Variants in PDE2A observed in about 807,000 individuals in gnomAD.
PDE2A encodes the protein phosphodiesterase 2A, also known as cGMP-dependent 3',5'-cyclic phosphodiesterase.
In PDE2A, 53 loss-of-function variants were observed where a neutral mutation model predicts 133.6. That is an observed-to-expected ratio of 0.40 (90% CI 0.32 to 0.50). PDE2A has a LOEUF of 0.50. Among genes scored for constraint, PDE2A ranks in the 20% least tolerant of loss-of-function variants. The probability of loss-of-function intolerance (pLI) is 0.73; values close to 1 mark genes in which losing one functional copy is unlikely to be tolerated. For missense variants in PDE2A, 796 were observed against 1,232.4 expected, an observed-to-expected ratio of 0.65 and a Z score of 5.30; for synonymous variants, 491 against 490.2, an observed-to-expected ratio of 1.00 and a Z score of -0.02.
chr11:72,597,304 C>T lies in PDE2A; in HGVS notation c.433+206G>A, dbSNP rs116681113. Among the ~76,000 whole-genome samples, 779 of 152,222 alleles carry T rather than the reference C, an allele frequency of 5.1e-3. 4 individuals are homozygous for T. Among genetic ancestry groups the T allele is most frequent in the African/African-American group, 0.018 (743 of 41,518 alleles). Reference sequence around the variant, plus strand: ...ACCCCCTCAAGGTAAATACTATTGTCCCATTTTATAGTCAGGAAGTTGAGG... The same window carrying T: ...ACCCCCTCAAGGTAAATACTATTGTTCCATTTTATAGTCAGGAAGTTGAGG... On this transcript the variant is annotated intron_variant, in intron 5 of 30. Transcript: ENST00000334456. The surrounding 1 kb of genome is among the most constrained non-coding windows in gnomAD (Gnocchi z 4.6).
chr11:72,626,712 C>A (rs1000771519), intron 2 of PDE2A, among the ~76,000 whole-genome samples: 12 of 152,224 alleles, frequency 7.9e-5, no homozygotes, highest in African/African-American at 2.7e-4. Flanking sequence ...TGGCAATACC[C>A]CCTCCAACCT....
At chr11:72,613,093 G>A (rs1023562574) in intron 2 of PDE2A, among the ~76,000 whole-genome samples, 24 of 152,118 alleles carry the variant, frequency 1.6e-4, no homozygotes, top group African/African-American at 3.9e-4. Flanking sequence ...GGTTGGGGTC[G>A]CTGCCATAAG....
At chr11:72,622,493 T>C (rs1039819730) in intron 2 of PDE2A, among the ~76,000 whole-genome samples, 1 of 152,230 alleles carries the variant, frequency 6.6e-6, no homozygotes, top group Non-Finnish European at 1.5e-5. Context: ...GTCCATACAC[T>C]GGAATATTAT....
At position 72,664,536 on chromosome 11, in the gene PDE2A, G is replaced by C. The variant is rs1004981408; in HGVS notation, c.71+9601C>G. ...CTACAGGCGCCCCCCACCACGCCCG[G>C]TTAATTTTTTGTATTTTTAGTAGAG... On this transcript the variant is annotated intron_variant, in intron 1 of 30. Coordinates refer to ENST00000334456, the MANE Select transcript of PDE2A (RefSeq NM_002599.5). Among the ~76,000 whole-genome samples, 6 of 150,956 alleles carry C rather than the reference G, an allele frequency of 4.0e-5. No homozygotes were observed. In the South Asian group the frequency reaches 1.3e-3, roughly 32 times the overall value.
intron 2 of PDE2A, among the ~76,000 whole-genome samples, chr11:72,610,601 C>T (rs994325781): frequency 6.6e-6 from 1 of 152,142 alleles, no homozygotes; most frequent in Admixed American, 6.5e-5. Context: ...CTTCCTTGGT[C>T]CCTCCCACTG....
intron 1 of PDE2A, among the ~76,000 whole-genome samples, chr11:72,655,110 C>T (rs983383066): frequency 4.6e-5 from 7 of 152,164 alleles, no homozygotes; most frequent in African/African-American, 1.7e-4. Context: ...GGAAGGGAGC[C>T]AGGGGAAGGC....
intron 1 of PDE2A, among the ~76,000 whole-genome samples, chr11:72,659,198 C>G (rs1286453971): frequency 6.6e-6 from 1 of 150,798 alleles, no homozygotes; most frequent in Non-Finnish European, 1.5e-5. Context: ...TTCTTGGTCT[C>G]CCGCTGGGTG....
At chr11:72,619,615 T>C (rs1857648830) in intron 2 of PDE2A, among the ~76,000 whole-genome samples, 1 of 152,188 alleles carries the variant, frequency 6.6e-6, no homozygotes, top group Admixed American at 6.5e-5. Context: ...TTCAGGTCAT[T>C]GATGTCCATG....
At chr11:72,645,663 CAGG>C (rs1163619223) in intron 1 of PDE2A, among the ~76,000 whole-genome samples, 2 of 152,222 alleles carry the variant, frequency 1.3e-5, no homozygotes, top group African/African-American at 4.8e-5. Flanking sequence ...AATTTGCTGC[CAGG>C]TCAGAGAACC....
At position 72,642,129 on chromosome 11, in the gene PDE2A, C is replaced by A. The variant is rs949415239; in HGVS notation, c.144+125G>T. On this transcript the variant is annotated intron_variant, in intron 2 of 30. Coordinates refer to ENST00000334456, the MANE Select transcript of PDE2A (RefSeq NM_002599.5). ...CTTGGTCTGCGCTGCCGTCCCAGCA[C>A]AGGAGTAGAATTCAGAACTAGAGGA... is the stretch of plus-strand genomic sequence containing the variant. 17 of 1,280,114 alleles carry A rather than the reference C, an allele frequency of 1.3e-5. No individual in the cohort carries two copies. In the African/African-American group the frequency reaches 2.2e-4, roughly 17 times the overall value. 79.3% of individuals were successfully genotyped at this position (1,280,114 alleles called of 1,614,324 possible). A position where few individuals can be genotyped will look rare whatever the true frequency, so the allele number is the denominator to read the frequency against.
intron 3 of PDE2A, among the ~76,000 whole-genome samples, chr11:72,605,512 A>C (rs1172697081): frequency 2.0e-5 from 3 of 152,200 alleles, no homozygotes; most frequent in Non-Finnish European, 4.4e-5. Flanking sequence ...GTGCCAGGTA[A>C]AGAGTTTCAA....
chr11:72,598,948 G>A, intron 4 of PDE2A: 2 of 985,382 alleles, frequency 2.0e-6, no homozygotes, highest in Non-Finnish European at 1.2e-6. Context: ...ACCCCGGGAA[G>A]GAGAGGGACG....
At position 72,667,473 on chromosome 11, in the gene PDE2A, T is replaced by C. The variant is rs74631534; in HGVS notation, c.71+6664A>G. Among the ~76,000 whole-genome samples, 679 of 152,274 alleles carry C rather than the reference T, an allele frequency of 4.5e-3. 5 individuals are homozygous for C. Among genetic ancestry groups the C allele is most frequent in the Non-Finnish European group, 8.2e-3 (559 of 68,020 alleles). On this transcript the variant is annotated intron_variant, in intron 1 of 30. Transcript: ENST00000334456. ...TCAGCCTTCATTCCTCCCAGTGCCA[T>C]TTCAGCAGGGCCCTCATGTCCTGGG...
chr11:72,641,618 C>T lies in PDE2A; in HGVS notation c.144+636G>A, dbSNP rs146781420. Among the ~76,000 whole-genome samples, 170 of 152,128 alleles carry T rather than the reference C, an allele frequency of 1.1e-3. 1 individual carries two copies. The highest frequency in any genetic ancestry group is 4.0e-3 in the African/African-American group (165 of 41,468). On this transcript the variant is annotated intron_variant, in intron 2 of 30. Transcript: ENST00000334456. ...CCTGGAGAGGAACAAGAGGAGGGGC[C>T]CCCCACGAGGAAAGACTCGGAGATC...
chr11:72,583,173 C>T (rs1352116283), intron 20 of PDE2A, among the ~76,000 whole-genome samples: 1 of 152,206 alleles, frequency 6.6e-6, no homozygotes, highest in African/African-American at 2.4e-5. Flanking sequence ...GGGAATTATT[C>T]CCTGAACATG....
intron 2 of PDE2A, among the ~76,000 whole-genome samples, chr11:72,639,587 A>C (rs889845348): frequency 2.0e-5 from 3 of 152,116 alleles, no homozygotes; most frequent in Non-Finnish European, 4.4e-5. Flanking sequence ...GGTGTAGTAA[A>C]CACAGTGACC....
intron 2 of PDE2A, among the ~76,000 whole-genome samples, chr11:72,618,562 G>A (rs755706302): frequency 2.0e-5 from 3 of 152,152 alleles, no homozygotes; most frequent in African/African-American, 4.8e-5. Flanking sequence ...GGGGCCCCAC[G>A]CACTCCCCTG....
chr11:72,585,679 C>A (rs1328285558), intron 14 of PDE2A, 86 bp from the exon 15 acceptor site: 21 of 1,123,510 alleles, frequency 1.9e-5, no homozygotes, highest in Non-Finnish European at 2.4e-5. Context: ...GCACCCGGGT[C>A]TTCTCCTTCC....
chr11:72,662,405 CAAG>C (rs1339430557), intron 1 of PDE2A, among the ~76,000 whole-genome samples: 4 of 152,118 alleles, frequency 2.6e-5, no homozygotes, highest in Non-Finnish European at 5.9e-5. Context: ...CTCTGGACAG[CAAG>C]AAGGACTGAG....
Sources: allele counts gnomAD v4.1 joint callset (sites outside exome capture counted in the v4.1 genomes callset), GRCh38; gene constraint gnomAD v4.1.1; non-coding constraint Gnocchi (gnomAD v3.1); transcripts MANE v1.5; gene names NCBI Gene and HGNC (gene_info 2026-07-23, HGNC 2026-07-21).